DNM3: variants seen among roughly 807,000 people sequenced by gnomAD.
The protein encoded by DNM3 is dynamin 3.
DNM3 carries 47 observed loss-of-function variants against 101.6 expected under a neutral mutation model. The observed-to-expected ratio is 0.46, with a 90% CI of 0.37 to 0.59. DNM3 has a LOEUF of 0.59. DNM3 is among the 20% of genes least tolerant of loss of function. The probability of loss-of-function intolerance (pLI) is 0.00; values close to 1 mark genes in which losing one functional copy is unlikely to be tolerated. For synonymous variants in DNM3, 385 were observed against 387.9 expected (o/e 0.99, Z 0.09); for missense variants, 849 against 1,085.7 (o/e 0.78, Z 3.06).
chr1:171,986,266 T>C lies in DNM3; in HGVS notation c.236-1390T>C, dbSNP rs148273338. On this transcript the variant is annotated intron_variant, in intron 2 of 20. Coordinates refer to ENST00000627582, the MANE Select transcript of DNM3 (RefSeq NM_015569.5). The stretch of plus-strand genomic sequence containing the variant: ...ATCTTTTCTATCTCTACCTTTCTTA[T>C]CATTTTAAGAGCAGGTTAGCATTTA... 3.3e-3 allele frequency among the ~76,000 whole-genome samples: 497 copies of C among 152,290 alleles called. 3 individuals carry two copies. Among genetic ancestry groups the C allele is most frequent in the African/African-American group, 0.011 (470 of 41,552 alleles).
intron 15 of DNM3, among the ~76,000 whole-genome samples, chr1:172,286,497 G>C (rs999874297): frequency 6.6e-6 from 1 of 152,182 alleles, no homozygotes; most frequent in African/African-American, 2.4e-5. Context: ...GTAGACACAT[G>C]ACCTGTGGCT....
At position 172,411,220 on chromosome 1, in the gene DNM3, T is replaced by C. The variant is rs2071185848; in HGVS notation, c.*3379T>C. The C allele has an allele frequency of 1.8e-5, 18 of 985,156 alleles. No homozygotes were observed. Among genetic ancestry groups the C allele is most frequent in the Non-Finnish European group, 1.9e-5 (16 of 829,800 alleles). 61.0% of individuals were successfully genotyped at this position (985,156 alleles called of 1,614,324 possible). A position where few individuals can be genotyped will look rare whatever the true frequency, so the allele number is the denominator to read the frequency against. ...TTGAATGATCTGCCATAACATGTGG[T>C]AACAATAGTTCATTTCTCATAACAT... On this transcript the variant is annotated 3_prime_UTR_variant, in exon 21 of 21. Coordinates refer to ENST00000627582, the MANE Select transcript of DNM3 (RefSeq NM_015569.5).
At position 172,333,591 on chromosome 1, in the gene DNM3, T is replaced by C. The variant is rs1389470638; in HGVS notation, c.1893+10251T>C. ...TTGTTTCTAAAGCATTTTCATTTTGTTTATCATGCCTCAACTTGATGCATA... is the reference window on the plus strand; with the variant it reads ...TTGTTTCTAAAGCATTTTCATTTTGCTTATCATGCCTCAACTTGATGCATA... On this transcript the variant is annotated intron_variant, in intron 17 of 20. Coordinates refer to ENST00000627582, the MANE Select transcript of DNM3 (RefSeq NM_015569.5). Among the ~76,000 whole-genome samples the C allele has an allele frequency of 4.6e-5, 7 of 152,292 alleles. No individual in the cohort carries two copies. In the South Asian group the frequency reaches 8.3e-4, roughly 18 times the overall value.
At chr1:172,297,942 C>T (rs2064246041) in intron 15 of DNM3, among the ~76,000 whole-genome samples, 1 of 151,946 alleles carries the variant, frequency 6.6e-6, no homozygotes. Context: ...TGGAACTCCT[C>T]TTGTTCACAA....
chr1:172,037,606 C>G (rs1379624746), intron 6 of DNM3, among the ~76,000 whole-genome samples: 2 of 152,058 alleles, frequency 1.3e-5, no homozygotes, highest in Non-Finnish European at 2.9e-5. Context: ...GGGTTTTTAT[C>G]TCACCTTTGT....
At chr1:172,355,023 A>C (rs2067379981) in intron 17 of DNM3, among the ~76,000 whole-genome samples, 1 of 152,164 alleles carries the variant, frequency 6.6e-6, no homozygotes, top group Non-Finnish European at 1.5e-5. Context: ...GTCTTTGAGA[A>C]TCCATTTGTA....
At chr1:171,868,570 T>C (rs1021702937) in intron 1 of DNM3, among the ~76,000 whole-genome samples, 11 of 152,210 alleles carry the variant, frequency 7.2e-5, no homozygotes, top group Non-Finnish European at 1.3e-4. Context: ...CCATGCATAA[T>C]TGAGTTAGAG....
chr1:171,879,767 C>T (rs942690286), intron 1 of DNM3, among the ~76,000 whole-genome samples: 10 of 152,314 alleles, frequency 6.6e-5, no homozygotes, highest in East Asian at 3.9e-4. Flanking sequence ...CCAGGAGTCA[C>T]GAAGCAACTG....
downstream of DNM3, chr1:172,412,752 T>C: frequency 1.0e-6 from 1 of 985,056 alleles, no homozygotes; most frequent in Non-Finnish European, 1.2e-6. Context: ...ATTTGAGTCA[T>C]GTCTATGCCT....
chr1:172,101,851 C>CT (rs1009428061), intron 13 of DNM3, among the ~76,000 whole-genome samples: 2 of 151,694 alleles, frequency 1.3e-5, no homozygotes, highest in South Asian at 2.1e-4. Context: ...CATTAATTTG[C>CT]TTTTTTTATT....
intron 4 of DNM3, among the ~76,000 whole-genome samples, chr1:172,019,632 A>G (rs1270607104): frequency 6.7e-6 from 1 of 150,206 alleles, no homozygotes; most frequent in African/African-American, 2.5e-5. Flanking sequence ...CCATTCTTGG[A>G]TATTCTGTTC....
chr1:172,135,269 C>T (rs2057154054), intron 14 of DNM3, among the ~76,000 whole-genome samples: 1 of 152,080 alleles, frequency 6.6e-6, no homozygotes, highest in South Asian at 2.1e-4. Context: ...GTCCTACCAC[C>T]AGGGGACATA....
intron 2 of DNM3, among the ~76,000 whole-genome samples, chr1:171,931,391 T>A (rs866288241): frequency 6.6e-6 from 1 of 152,216 alleles, no homozygotes; most frequent in Non-Finnish European, 1.5e-5. Context: ...AAGTAAATTA[T>A]TTGTAACACT....
At chr1:172,274,374 G>T (rs2063197890) in intron 15 of DNM3, among the ~76,000 whole-genome samples, 1 of 152,060 alleles carries the variant, frequency 6.6e-6, no homozygotes, top group African/African-American at 2.4e-5. Flanking sequence ...GTGTGGAAAT[G>T]AAGAAGTGAC....
intron 15 of DNM3, among the ~76,000 whole-genome samples, chr1:172,280,560 G>A (rs1379568353): frequency 1.3e-5 from 2 of 152,012 alleles, no homozygotes; most frequent in Non-Finnish European, 2.9e-5. Flanking sequence ...AGCTTCAACC[G>A]ATTTATTTAA....
chr1:172,162,379 C>G (rs77792433), intron 14 of DNM3, among the ~76,000 whole-genome samples: 2 of 152,064 alleles, frequency 1.3e-5, no homozygotes, highest in South Asian at 4.1e-4. Context: ...ATAAGGGCTG[C>G]TTTCCAAACA....
At chr1:172,280,141 A>G (rs137965776) in intron 15 of DNM3, among the ~76,000 whole-genome samples, 212 of 152,068 alleles carry the variant, frequency 1.4e-3, no homozygotes, top group African/African-American at 4.9e-3. Context: ...ATTCACCAGG[A>G]ATATTCTTTC....
At chr1:171,956,451 C>T (rs911151941) in intron 2 of DNM3, among the ~76,000 whole-genome samples, 3 of 152,208 alleles carry the variant, frequency 2.0e-5, no homozygotes, top group Admixed American at 2.0e-4. Context: ...ACATCCAGGT[C>T]ACACTGATAC....
rs372165907 is a variant in DNM3, at chr1:172,091,689, C to T, written c.1494-1135C>T. Among the ~76,000 whole-genome samples, 240 of 152,204 alleles carry T rather than the reference C, an allele frequency of 1.6e-3. 2 individuals are homozygous for T. In the South Asian group the frequency reaches 0.028, roughly 18 times the overall value. ...TTGCTTGAGTAGGGCCTTGTAGACC[C>T]TTGTATGGACTTTGGTTTTTACCAT... is the stretch of plus-strand genomic sequence containing the variant. On this transcript the variant is annotated intron_variant, in intron 12 of 20. Coordinates refer to ENST00000627582, the MANE Select transcript of DNM3 (RefSeq NM_015569.5).
Sources: gnomAD v4.1 joint callset for allele counts (sites outside exome capture counted in the v4.1 genomes callset) on GRCh38, gnomAD v4.1.1 for gene constraint, MANE v1.5 for transcripts, NCBI Gene and HGNC (gene_info 2026-07-23, HGNC 2026-07-21) for gene names.